ADAM12: variants seen among roughly 807,000 people sequenced by gnomAD.
ADAM12 encodes the protein disintegrin and metalloproteinase domain-containing protein 12.
In ADAM12, 70 loss-of-function variants were observed where a neutral mutation model predicts 106.4. That is an observed-to-expected ratio of 0.66 (90% confidence interval 0.54 to 0.80). The LOEUF (loss-of-function observed/expected upper bound fraction) is 0.80. Ranked by LOEUF, ADAM12 falls within the 30% of genes least tolerant of loss-of-function variation. The pLI is 0.00. For synonymous variants in ADAM12, 420 were observed against 433.5 expected (o/e 0.97, Z 0.39); for missense variants, 1,010 against 1,171.9 (o/e 0.86, Z 2.02).
intron 2 of ADAM12, among the ~76,000 whole-genome samples, chr10:126,320,441 G>A (rs1047102359): frequency 1.1e-4 from 16 of 152,118 alleles, no homozygotes; most frequent in African/African-American, 3.6e-4. Context: ...GTATAAAAAT[G>A]TTTCTCACTT....
chr10:126,027,506 A>G (rs931349345), intron 21 of ADAM12, among the ~76,000 whole-genome samples: 1 of 152,222 alleles, frequency 6.6e-6, no homozygotes, highest in Non-Finnish European at 1.5e-5. Flanking sequence ...AGCACATCAA[A>G]AAGCTTATCC....
intron 16 of ADAM12, among the ~76,000 whole-genome samples, chr10:126,046,600 C>A (rs1416810493): frequency 6.6e-6 from 1 of 151,198 alleles, no homozygotes; most frequent in African/African-American, 2.4e-5. Flanking sequence ...GTCAGGAGAT[C>A]GAGACTCTCC....
At chr10:126,179,617 G>A (rs907869023) in intron 3 of ADAM12, among the ~76,000 whole-genome samples, 1 of 152,186 alleles carries the variant, frequency 6.6e-6, no homozygotes, top group African/African-American at 2.4e-5. Flanking sequence ...TTATGTAGGT[G>A]ATCTTGGATT....
At chr10:126,312,858 C>A (rs192693906) in intron 2 of ADAM12, among the ~76,000 whole-genome samples, 2 of 152,130 alleles carry the variant, frequency 1.3e-5, no homozygotes, top group African/African-American at 4.8e-5. Context: ...CACATATGCA[C>A]GTGAACATAT....
At chr10:126,129,728 C>T (rs549894903) in intron 5 of ADAM12, among the ~76,000 whole-genome samples, 3 of 152,322 alleles carry the variant, frequency 2.0e-5, no homozygotes, top group South Asian at 4.1e-4. Flanking sequence ...ACTTCACATT[C>T]GACTTGGAGT....
At chr10:126,181,975 C>A (rs2133785176) in intron 3 of ADAM12, among the ~76,000 whole-genome samples, 1 of 152,310 alleles carries the variant, frequency 6.6e-6, no homozygotes, top group Non-Finnish European at 1.5e-5. Flanking sequence ...GCCTTTGTTT[C>A]TCAGATGGTA....
chr10:126,318,110 G>A (rs967394772), intron 2 of ADAM12, among the ~76,000 whole-genome samples: 1 of 152,094 alleles, frequency 6.6e-6, no homozygotes, highest in Non-Finnish European at 1.5e-5. Context: ...CGGGCTCGTG[G>A]AGAAATGGCT....
chr10:126,015,359 C>G lies in ADAM12; in HGVS notation c.*1920G>C, dbSNP rs1254721637. Reference sequence around the variant, plus strand: ...AAAAAGACAATGCCCACGTAATGCACCATAAAATTCTGTAAACCTTTTTAA... The same window carrying G: ...AAAAAGACAATGCCCACGTAATGCAGCATAAAATTCTGTAAACCTTTTTAA... On this transcript the variant is annotated 3_prime_UTR_variant, in exon 23 of 23. Coordinates refer to ENST00000448723, the MANE Select transcript of ADAM12 (RefSeq NM_001288973.2). The G allele has an allele frequency of 1.3e-5, 2 of 152,210 alleles. No individual in the cohort carries two copies. 9.4% of individuals were successfully genotyped at this position (152,210 alleles called of 1,614,324 possible).
At chr10:126,055,090 T>C (rs1311082585) in intron 14 of ADAM12, among the ~76,000 whole-genome samples, 1 of 152,182 alleles carries the variant, frequency 6.6e-6, no homozygotes, top group Non-Finnish European at 1.5e-5. Flanking sequence ...GAAACCCTAA[T>C]AGTTTTTGCA....
intron 3 of ADAM12, among the ~76,000 whole-genome samples, chr10:126,278,627 C>T (rs1157596483): frequency 6.6e-6 from 1 of 152,038 alleles, no homozygotes; most frequent in African/African-American, 2.4e-5. Flanking sequence ...TTGAACAGTA[C>T]AGGGATGCTT....
Position 126,038,333 on chromosome 10 carries a change from G to C in ADAM12, c.2257C>G (p.Arg753Gly). The C allele has an allele frequency of 6.2e-7, 1 of 1,600,922 alleles. No homozygotes were observed. Among genetic ancestry groups the C allele is most frequent in the Non-Finnish European group, 8.5e-7 (1 of 1,172,706 alleles). The change falls in exon 20 of 23, where the codon CGG (arginine) becomes GGG (glycine). Residue 753 changes from arginine to glycine, a missense_variant. Transcript: ENST00000448723. The part of the protein sequence containing the change: ...IEKLRCVRPS[R>G]PPRGFQPCQA... ...CAGGGTTGGAAGCCACGGGGTGGCCGGGAAGGGCGCACACACCTGCAACAG... is the reference window on the plus strand; with the variant it reads ...CAGGGTTGGAAGCCACGGGGTGGCCCGGAAGGGCGCACACACCTGCAACAG...
chr10:126,092,596 C>T (rs1040853375), intron 11 of ADAM12, among the ~76,000 whole-genome samples: 4 of 152,184 alleles, frequency 2.6e-5, no homozygotes, highest in Non-Finnish European at 5.9e-5. Context: ...CATTTCCTAT[C>T]GGTTAGTACT....
At chr10:126,254,922 T>C (rs897155558) in intron 3 of ADAM12, among the ~76,000 whole-genome samples, 2 of 152,304 alleles carry the variant, frequency 1.3e-5, no homozygotes, top group African/African-American at 2.4e-5. Flanking sequence ...TAGGGCACCA[T>C]CTCTCTTCCC....
rs912890887 is a variant in ADAM12, at chr10:126,058,864, A to G, written c.1609+5942T>C. Among the ~76,000 whole-genome samples, 3 of 152,334 alleles carry G rather than the reference A, an allele frequency of 2.0e-5. No individual in the cohort carries two copies. In the East Asian group the frequency reaches 5.8e-4, roughly 29 times the overall value. ...TTACAAAGGCAGAGATTTGGTTCAA[A>G]GTTGCTGCATTAAAAAATGTCTGTC... On this transcript the variant is annotated intron_variant, in intron 14 of 22. Transcript: ENST00000448723.
At chr10:126,299,288 C>T (rs1158539569) in intron 2 of ADAM12, among the ~76,000 whole-genome samples, 1 of 152,242 alleles carries the variant, frequency 6.6e-6, no homozygotes, top group Non-Finnish European at 1.5e-5. Flanking sequence ...CCTGGAACTT[C>T]AGTCACTAGG....
intron 4 of ADAM12, among the ~76,000 whole-genome samples, chr10:126,136,522 G>A (rs1256414158): frequency 6.6e-6 from 1 of 152,154 alleles, no homozygotes; most frequent in East Asian, 1.9e-4. Flanking sequence ...CTTTTGAGCA[G>A]CTCAGGTGTT....
chr10:126,079,407 T>C (rs534645475), intron 11 of ADAM12, among the ~76,000 whole-genome samples: 1 of 152,286 alleles, frequency 6.6e-6, no homozygotes, highest in East Asian at 1.9e-4. Flanking sequence ...GTTCATTTCA[T>C]GTACACGGAA....
intron 4 of ADAM12, 36 bp downstream of exon 4, chr10:126,155,191 T>C (rs1272907987): frequency 6.2e-7 from 1 of 1,601,704 alleles, no homozygotes; most frequent in African/African-American, 1.3e-5. Flanking sequence ...GATCCAGTGG[T>C]GTAAGATTAT....
chr10:126,054,098 G>A (rs549014429), intron 14 of ADAM12, among the ~76,000 whole-genome samples: 1 of 152,130 alleles, frequency 6.6e-6, no homozygotes, highest in African/African-American at 2.4e-5. Flanking sequence ...TGTTATCACT[G>A]GAAATCTTGT....
Sources: gnomAD v4.1 joint callset for allele counts (sites outside exome capture counted in the v4.1 genomes callset) on GRCh38, gnomAD v4.1.1 for gene constraint, MANE v1.5 for transcripts, NCBI Gene and HGNC (gene_info 2026-07-23, HGNC 2026-07-21) for gene names.